The following YWHAZ variants were observed in gnomAD, a reference collection of about 807,000 sequenced individuals.
YWHAZ encodes the protein 14-3-3 protein zeta/delta.
For synonymous variants in YWHAZ, 87 were observed against 103.6 expected, an observed-to-expected ratio of 0.84 and a Z score of 0.97; for missense variants, 79 against 284.8, an observed-to-expected ratio of 0.28 and a Z score of 5.20.
In YWHAZ at chr8:100,924,351, C is replaced by T. The variant is rs751199379; in HGVS notation, c.419-53G>A. On this transcript the variant is annotated intron_variant, in intron 3 of 5. Coordinates refer to ENST00000395958, the MANE Select transcript of YWHAZ (RefSeq NM_145690.3). This position sits in a 1 kb window ranked among gnomAD's most constrained non-coding sequence, Gnocchi z 5.7. ...AGATAAAGTGTGCATTATATCTTCA[C>T]CCCTCAAACCAAACCTTTAATATCT... 1.4e-4 allele frequency: 218 copies of T among 1,546,672 alleles called. No individual in the cohort carries two copies. The highest frequency in any genetic ancestry group is 1.8e-4 in the Non-Finnish European group (212 of 1,148,180).
At chr8:100,945,405 C>T (rs1810193213) in intron 2 of YWHAZ, among the ~76,000 whole-genome samples, 1 of 152,090 alleles carries the variant, frequency 6.6e-6, no homozygotes, top group Non-Finnish European at 1.5e-5. Context: ...ATTTTCATAG[C>T]TATTATAAAA....
intron 1 of YWHAZ, 157 bp downstream of exon 1, chr8:100,951,772 A>C (rs1251136528): frequency 2.0e-6 from 2 of 984,848 alleles, no homozygotes; most frequent in African/African-American, 1.8e-5. Flanking sequence ...GCGGAAGAGG[A>C]GCCGCCGCCC....
chr8:100,952,867 G>A (rs1161937979), upstream of YWHAZ: 16 of 1,000,318 alleles, frequency 1.6e-5, no homozygotes, highest in Admixed American at 6.1e-5. Context: ...CTCGGGGGAA[G>A]CGGTCCTAGA....
chr8:100,953,114 C>G, upstream of YWHAZ: 1 of 988,084 alleles, frequency 1.0e-6, no homozygotes, highest in Non-Finnish European at 1.2e-6. Flanking sequence ...AAAGGACAGC[C>G]TTCTCGGGCG....
At chr8:100,926,274 T>G (rs1813355572) in intron 2 of YWHAZ, among the ~76,000 whole-genome samples, 1 of 151,350 alleles carries the variant, frequency 6.6e-6, no homozygotes, top group Non-Finnish European at 1.5e-5. Context: ...GATTGCACTG[T>G]GCTATATAAA....
intron 2 of YWHAZ, among the ~76,000 whole-genome samples, chr8:100,947,918 T>C (rs973893965): frequency 1.3e-5 from 2 of 152,268 alleles, no homozygotes; most frequent in African/African-American, 2.4e-5. Flanking sequence ...CCCTACTTTA[T>C]ATGACAGATT....
At chr8:100,950,164 C>T (rs1218374357) in intron 1 of YWHAZ, among the ~76,000 whole-genome samples, 3 of 152,162 alleles carry the variant, frequency 2.0e-5, no homozygotes, top group Non-Finnish European at 4.4e-5. Flanking sequence ...AACTATTTAA[C>T]CTTTATGACG....
chr8:100,929,877 G>A (rs1305341690), intron 2 of YWHAZ, among the ~76,000 whole-genome samples: 9 of 152,134 alleles, frequency 5.9e-5, no homozygotes, highest in African/African-American at 2.2e-4. Flanking sequence ...AAAAAAACAT[G>A]GAGGTGCACC....
intron 2 of YWHAZ, among the ~76,000 whole-genome samples, chr8:100,931,263 T>G (rs893930614): frequency 2.6e-5 from 4 of 152,218 alleles, no homozygotes. Context: ...ACCACATAAA[T>G]TGACAGGTCA....
chr8:100,942,330 C>G (rs1809928531), intron 2 of YWHAZ, among the ~76,000 whole-genome samples: 1 of 152,152 alleles, frequency 6.6e-6, no homozygotes, highest in Non-Finnish European at 1.5e-5. Context: ...TACCAGAAAA[C>G]AAAACTAAAT....
In YWHAZ at chr8:100,922,621, T is replaced by A. The variant is rs939666671; in HGVS notation, c.678+1334A>T. ...AGCTGTTCCTGAACTCCTGACCTGGTGATCCGCCCGCCTCGGCCTCCCAAA... is the reference window on the plus strand; with the variant it reads ...AGCTGTTCCTGAACTCCTGACCTGGAGATCCGCCCGCCTCGGCCTCCCAAA... On this transcript the variant is annotated intron_variant, in intron 5 of 5. Transcript: ENST00000395958. The surrounding 1 kb of genome is among the most constrained non-coding windows in gnomAD (Gnocchi z 4.1). 6.6e-6 allele frequency: 1 copy of A among 152,254 alleles called. No individual in the cohort carries two copies. Among genetic ancestry groups the A allele is most frequent in the Non-Finnish European group, 1.5e-5 (1 of 68,098 alleles). The allele number at this position is 152,254 out of a possible 1,614,324, so 9.4% of individuals were successfully genotyped here. A position where few individuals can be genotyped will look rare whatever the true frequency, so the allele number is the denominator to read the frequency against.
intron 2 of YWHAZ, among the ~76,000 whole-genome samples, chr8:100,932,284 A>T: frequency 6.6e-6 from 1 of 152,176 alleles, no homozygotes; most frequent in East Asian, 1.9e-4. Flanking sequence ...TACTGCAGTA[A>T]CTGATCTTAA....
At position 100,939,816 on chromosome 8, in the gene YWHAZ, T is replaced by C. The variant is rs188357567; in HGVS notation, c.294+8780A>G. On this transcript the variant is annotated intron_variant, in intron 2 of 5. Coordinates refer to ENST00000395958, the MANE Select transcript of YWHAZ (RefSeq NM_145690.3). The stretch of plus-strand genomic sequence containing the variant: ...GCAGGCGGATCACGAGGTTAGGAGA[T>C]CGAGACCAACCTGGCTAACCTGGTG... 2.7e-4 allele frequency among the ~76,000 whole-genome samples: 41 copies of C among 152,138 alleles called. No individual in the cohort carries two copies. In the East Asian group the frequency reaches 7.7e-3, roughly 29 times the overall value.
rs1030398202 is a variant in YWHAZ at position 100,923,879 on chromosome 8, A to T, written c.678+76T>A. 5 of 713,662 alleles carry T rather than the reference A, an allele frequency of 7.0e-6. No homozygotes were observed. The East Asian group carries it at 1.2e-4, about 17-fold the overall frequency. 44.2% of individuals were successfully genotyped at this position (713,662 alleles called of 1,614,324 possible). A position where few individuals can be genotyped will look rare whatever the true frequency, so the allele number is the denominator to read the frequency against. On this transcript the variant is annotated intron_variant, in intron 5 of 5. Transcript: ENST00000395958. ...AAAAATTTTAAAAGATGTATTTAAT[A>T]AAAAAAAAAATTCCCTAGAGTAAAA...
At chr8:100,921,457 C>G (rs973032856) in intron 5 of YWHAZ, among the ~76,000 whole-genome samples, 2 of 152,144 alleles carry the variant, frequency 1.3e-5, no homozygotes, top group African/African-American at 4.8e-5. Context: ...GCTGAAGGAG[C>G]TAGGGTTGAC....
In YWHAZ at chr8:100,924,074, A is replaced by G. The variant is rs1378873517; in HGVS notation, c.583-24T>C. ...GCCTACGATTTAAAAATAGTACATT[A>G]CATTTCAGTGCTCAAATAATAAAGA... On this transcript the variant is annotated intron_variant, in intron 4 of 5. Transcript: ENST00000395958. This position sits in a 1 kb window ranked among gnomAD's most constrained non-coding sequence, Gnocchi z 5.7. The G allele has an allele frequency of 1.2e-6, 2 of 1,608,748 alleles. No individual in the cohort carries two copies. Among genetic ancestry groups the G allele is most frequent in the Non-Finnish European group, 1.7e-6 (2 of 1,178,386 alleles).
intron 5 of YWHAZ, chr8:100,923,688 A>G: frequency 3.6e-6 from 1 of 274,058 alleles, no homozygotes. Flanking sequence ...AAACATGTAG[A>G]GTCTCAGCAC....
intron 2 of YWHAZ, among the ~76,000 whole-genome samples, chr8:100,930,734 A>G (rs905604418): frequency 6.6e-6 from 1 of 152,130 alleles, no homozygotes; most frequent in African/African-American, 2.4e-5. Flanking sequence ...GCCCCATCAT[A>G]GCTTGCCCTG....
At chr8:100,923,030 C>CA (rs1238063352) in intron 5 of YWHAZ, 1 of 152,076 alleles carries the variant, frequency 6.6e-6, no homozygotes, top group African/African-American at 2.4e-5. Context: ...CAATACTATT[C>CA]AAAAAACTCT....
Sources: gnomAD v4.1 joint callset for allele counts (sites outside exome capture counted in the v4.1 genomes callset) on GRCh38, gnomAD v4.1.1 for gene constraint, Gnocchi (gnomAD v3.1) non-coding constraint, MANE v1.5 for transcripts, NCBI Gene and HGNC (gene_info 2026-07-23, HGNC 2026-07-21) for gene names.